ARHGEF28: variants seen among roughly 807,000 people sequenced by gnomAD.
The protein encoded by ARHGEF28 is 190 kDa guanine nucleotide exchange factor.
A neutral mutation model predicts 206.6 loss-of-function variants in ARHGEF28; 152 were observed. That is an observed-to-expected ratio of 0.74 (90% CI 0.64 to 0.84). The LOEUF is 0.84. Ranked by LOEUF, ARHGEF28 falls within the 40% of genes least tolerant of loss-of-function variation. The pLI is 0.00. For missense variants in ARHGEF28, 2,028 were observed against 2,073.2 expected, an observed-to-expected ratio of 0.98 and a Z score of 0.42; for synonymous variants, 763 against 776.4, an observed-to-expected ratio of 0.98 and a Z score of 0.29.
chr5:73,832,643 C>T (rs1465208856), intron 10 of ARHGEF28, among the ~76,000 whole-genome samples, 184 bp downstream of exon 10: 1 of 152,170 alleles, frequency 6.6e-6, no homozygotes, highest in Non-Finnish European at 1.5e-5. Flanking sequence ...TACTTCAGAA[C>T]ACAAGACACC....
intron 1 of ARHGEF28, among the ~76,000 whole-genome samples, chr5:73,632,622 A>G (rs992961595): frequency 1.3e-5 from 2 of 152,242 alleles, no homozygotes; most frequent in African/African-American, 4.8e-5. Context: ...TAAAAAAATT[A>G]ATTATATATC....
At chr5:73,869,843 G>C (rs1759979459) in intron 20 of ARHGEF28, among the ~76,000 whole-genome samples, 1 of 152,178 alleles carries the variant, frequency 6.6e-6, no homozygotes, top group South Asian at 2.1e-4. Context: ...GGGAGGCGGA[G>C]GTTGCAGTGA....
chr5:73,829,069 C>T (rs1006925730), intron 9 of ARHGEF28, among the ~76,000 whole-genome samples: 1 of 152,212 alleles, frequency 6.6e-6, no homozygotes, highest in Non-Finnish European at 1.5e-5. Context: ...GATTCACCTG[C>T]CTCAGTTTCA....
intron 23 of ARHGEF28, among the ~76,000 whole-genome samples, chr5:73,883,223 T>A (rs911505237): frequency 4.6e-5 from 7 of 152,154 alleles, no homozygotes; most frequent in Non-Finnish European, 1.0e-4. Flanking sequence ...GTTTCCTGGA[T>A]TCTAAATTTT....
intron 22 of ARHGEF28, among the ~76,000 whole-genome samples, chr5:73,880,136 C>A (rs1217806916): frequency 2.6e-5 from 4 of 152,188 alleles, no homozygotes; most frequent in African/African-American, 9.7e-5. Flanking sequence ...CAATGGCGGG[C>A]GCCCCTCCCC....
At chr5:73,629,171 G>A (rs1217951826) in intron 1 of ARHGEF28, among the ~76,000 whole-genome samples, 5 of 152,024 alleles carry the variant, frequency 3.3e-5, no homozygotes, top group African/African-American at 9.7e-5. Flanking sequence ...TTGCATTTTC[G>A]GAGTAGACTT....
chr5:73,752,358 C>T (rs1752058571), intron 3 of ARHGEF28, among the ~76,000 whole-genome samples: 1 of 151,658 alleles, frequency 6.6e-6, no homozygotes, highest in Admixed American at 6.6e-5. Context: ...TGAGCAACAA[C>T]ACACACACAC....
chr5:73,813,623 C>T (rs899237902), intron 9 of ARHGEF28: 10 of 1,535,858 alleles, frequency 6.5e-6, no homozygotes, highest in South Asian at 1.2e-5. Context: ...TTTAACTACT[C>T]GTGGCCTTCC....
chr5:73,687,794 A>T (rs1747565622), intron 2 of ARHGEF28, among the ~76,000 whole-genome samples: 2 of 152,090 alleles, frequency 1.3e-5, no homozygotes, highest in Non-Finnish European at 2.9e-5. Flanking sequence ...TTAAAACCTC[A>T]TGTTTAATCC....
At chr5:73,763,042 C>T (rs1237593215) in intron 4 of ARHGEF28, among the ~76,000 whole-genome samples, 1 of 152,188 alleles carries the variant, frequency 6.6e-6, no homozygotes, top group Non-Finnish European at 1.5e-5. Flanking sequence ...AAATCCTTAT[C>T]ATAGTCACTG....
intron 1 of ARHGEF28, among the ~76,000 whole-genome samples, chr5:73,643,655 A>C (rs1744255089): frequency 1.3e-5 from 2 of 152,184 alleles, no homozygotes; most frequent in South Asian, 4.2e-4. Context: ...TCTTTACAAA[A>C]AATGCAAAAA....
chr5:73,843,165 G>A (rs906717568), intron 11 of ARHGEF28, among the ~76,000 whole-genome samples: 2 of 152,022 alleles, frequency 1.3e-5, no homozygotes, highest in Non-Finnish European at 2.9e-5. Flanking sequence ...TCTGATCATG[G>A]TCTTGTCTTG....
At chr5:73,674,767 A>G (rs537239606) in intron 1 of ARHGEF28, among the ~76,000 whole-genome samples, 2 of 152,322 alleles carry the variant, frequency 1.3e-5, no homozygotes, top group East Asian at 1.9e-4. Flanking sequence ...CAAATGGCCA[A>G]TGATGCAATG....
chr5:73,882,784 C>A (rs1351753903), intron 23 of ARHGEF28, among the ~76,000 whole-genome samples, 190 bp downstream of exon 23: 1 of 152,134 alleles, frequency 6.6e-6, no homozygotes, highest in Admixed American at 6.5e-5. Context: ...GCCCCCAAAT[C>A]ATTTCCTTTT....
intron 11 of ARHGEF28, among the ~76,000 whole-genome samples, chr5:73,841,498 G>C (rs747895466): frequency 6.6e-6 from 1 of 152,084 alleles, no homozygotes; most frequent in Non-Finnish European, 1.5e-5. Flanking sequence ...TTGAACTCAG[G>C]AGCTCAAGAC....
intron 1 of ARHGEF28, among the ~76,000 whole-genome samples, chr5:73,674,494 C>T (rs1481663724): frequency 6.6e-6 from 1 of 152,186 alleles, no homozygotes; most frequent in Non-Finnish European, 1.5e-5. Context: ...CTGAGGATAG[C>T]AGGTATGATA....
chr5:73,784,567 G>A (rs957461604), intron 7 of ARHGEF28, among the ~76,000 whole-genome samples: 3 of 152,076 alleles, frequency 2.0e-5, no homozygotes, highest in Admixed American at 2.0e-4. Context: ...AAAGAGCATT[G>A]TACAGAACAC....
chr5:73,734,166 TA>T (rs989431715), intron 2 of ARHGEF28, among the ~76,000 whole-genome samples: 1 of 150,596 alleles, frequency 6.6e-6, no homozygotes, highest in African/African-American at 2.4e-5. Flanking sequence ...TATAAGAGGG[TA>T]AAAAAAAGGA....
At chr5:73,626,582 C>T (rs1743025433) in intron 1 of ARHGEF28, among the ~76,000 whole-genome samples, 1 of 152,196 alleles carries the variant, frequency 6.6e-6, no homozygotes, top group Middle Eastern at 3.4e-3. Flanking sequence ...CGCGGGGTCG[C>T]TCGGGCGCAC....
Sources: gnomAD v4.1 joint callset for allele counts (sites outside exome capture counted in the v4.1 genomes callset) on GRCh38, gnomAD v4.1.1 for gene constraint, MANE v1.5 for transcripts, NCBI Gene and HGNC (gene_info 2026-07-23, HGNC 2026-07-21) for gene names.